C18orf54: variants seen among roughly 807,000 people sequenced by gnomAD.
C18orf54 encodes lung adenoma susceptibility protein 2.
A neutral mutation model predicts 49.3 loss-of-function variants in C18orf54; 49 were observed. The observed-to-expected ratio is 0.99, with a 90% CI of 0.79 to 1.26. The LOEUF is 1.26. Ranked by LOEUF, C18orf54 falls within the 50% of genes most tolerant of loss-of-function variation. The probability of loss-of-function intolerance (pLI) is 0.00; values close to 1 mark genes in which losing one functional copy is unlikely to be tolerated. For missense variants in C18orf54, 687 were observed against 620.6 expected (o/e 1.11, Z -1.14); for synonymous variants, 211 against 216.6 (o/e 0.97, Z 0.23).
chr18:54,371,620 C>T (rs1002805851), intron 6 of C18orf54, among the ~76,000 whole-genome samples: 4 of 152,100 alleles, frequency 2.6e-5, no homozygotes, highest in Admixed American at 2.6e-4. Flanking sequence ...TTTCTTATAT[C>T]CTGTTCTATA....
At chr18:54,361,502 A>T in intron 3 of C18orf54, 141 bp from the exon 4 acceptor site, 1 of 689,406 alleles carries the variant, frequency 1.5e-6, no homozygotes, top group Non-Finnish European at 2.3e-6. Flanking sequence ...ATCCACCTAC[A>T]CCTTTTTATG....
rs577158137 is a variant in C18orf54 at position 54,378,228 on chromosome 18, A to G, written c.1584A>G (p.Glu528=). 6.2e-7 allele frequency: 1 copy of G among 1,613,578 alleles called. No individual in the cohort carries two copies. Among genetic ancestry groups the G allele is most frequent in the African/African-American group, 1.3e-5 (1 of 75,042 alleles). ...ACCTGGTTGATGATACGAATGGAGA[A>G]CGGTCACCGAAAATGTGAAGAGGAA... ...LRDLVDDTNG[E]RSPKM Residue 528 remains glutamate, a synonymous_variant, in exon 9 of 9, where the codon GAA becomes GAG. Transcript: ENST00000620105.
rs2089201089 is a variant in C18orf54, at chr18:54,358,810, G to A, written c.-107G>A. 3 of 152,214 alleles carry A rather than the reference G, an allele frequency of 2.0e-5. No individual in the cohort carries two copies. The highest frequency in any genetic ancestry group is 1.5e-5 in the Non-Finnish European group (1 of 68,044). 9.4% of individuals were successfully genotyped at this position (152,214 alleles called of 1,614,324 possible). A position where few individuals can be genotyped will look rare whatever the true frequency, so the allele number is the denominator to read the frequency against. On this transcript the variant is annotated 5_prime_UTR_variant, in exon 2 of 9. Coordinates refer to ENST00000620105, the MANE Select transcript of C18orf54 (RefSeq NM_001288980.2). ...TTGTTGTCAATAAGTTTAACATTCT[G>A]TTCTTCCGCGTGATGGATTTTCTTT...
chr18:54,362,427 C>T lies in C18orf54; in HGVS notation c.1068C>T (p.Phe356=). Residue 356 remains phenylalanine (F), a synonymous_variant, in exon 4 of 9, where the codon TTC becomes TTT. Coordinates refer to ENST00000620105, the MANE Select transcript of C18orf54 (RefSeq NM_001288980.2). ...PLLPGQSTKP[F]SGDKIELLIL... ...TCCCAGGACAATCCACAAAGCCATT[C>T]AGTGGTAATACTTTGTTTATTGCTT... The T allele has an allele frequency of 2.0e-6, 3 of 1,505,374 alleles. No homozygotes were observed. The highest frequency in any genetic ancestry group is 2.6e-6 in the Non-Finnish European group (3 of 1,132,856). The allele number at this position is 1,505,374 out of a possible 1,614,324, so 93.3% of individuals were successfully genotyped here.
intron 8 of C18orf54, 27 bp downstream of exon 8, chr18:54,374,311 C>G (rs1568190989): frequency 6.5e-6 from 10 of 1,537,014 alleles, no homozygotes; most frequent in Non-Finnish European, 8.7e-6. Context: ...AATATGGATA[C>G]AAATCCATCT....
rs980941591 is a variant in C18orf54 at position 54,379,978 on chromosome 18, A to G, written c.*1732A>G. 6.6e-6 allele frequency: 1 copy of G among 152,136 alleles called. No individual in the cohort carries two copies. Among genetic ancestry groups the G allele is most frequent in the African/African-American group, 2.4e-5 (1 of 41,458 alleles). The allele number at this position is 152,136 out of a possible 1,614,324, so 9.4% of individuals were successfully genotyped here. A position where few individuals can be genotyped will look rare whatever the true frequency, so the allele number is the denominator to read the frequency against. ...AAGCCTGTTCTAAAATCTTATAGCC[A>G]GTATTTTAAGAAACTTGATTATACT... On this transcript the variant is annotated 3_prime_UTR_variant, in exon 9 of 9. Transcript: ENST00000620105.
chr18:54,370,502 T>G (rs2089467205), intron 6 of C18orf54, among the ~76,000 whole-genome samples: 1 of 152,196 alleles, frequency 6.6e-6, no homozygotes, highest in Admixed American at 6.5e-5. Context: ...CAGCGATGAC[T>G]ATATATTGGG....
chr18:54,379,579 T>C lies in C18orf54; in HGVS notation c.*1333T>C, dbSNP rs2089632772. The C allele has an allele frequency of 6.6e-6, 1 of 151,506 alleles. No individual in the cohort carries two copies. The highest frequency in any genetic ancestry group is 1.5e-5 in the Non-Finnish European group (1 of 67,800). 9.4% of individuals were successfully genotyped at this position (151,506 alleles called of 1,614,324 possible). A position where few individuals can be genotyped will look rare whatever the true frequency, so the allele number is the denominator to read the frequency against. ...TGAGTGGCAATTACCAATAGATTTG[T>C]TTTCTTTATTCTATGGAGATGTTTT... On this transcript the variant is annotated 3_prime_UTR_variant, in exon 9 of 9. Transcript: ENST00000620105.
chr18:54,360,932 T>C, intron 3 of C18orf54, 77 bp downstream of exon 3: 1 of 1,367,250 alleles, frequency 7.3e-7, no homozygotes, highest in Non-Finnish European at 9.9e-7. Context: ...TATTGTAAAG[T>C]TTGACATTAT....
At position 54,360,846 on chromosome 18, in the gene C18orf54, CCAAA is replaced by C. The variant is rs763695938; in HGVS notation, c.278_281del (p.Asn93MetfsTer25). 1 of 1,610,416 alleles carries C rather than the reference CCAAA, an allele frequency of 6.2e-7. No individual in the cohort carries two copies. Among genetic ancestry groups the C allele is most frequent in the Non-Finnish European group, 8.5e-7 (1 of 1,178,016 alleles). ...ACAGTTCTGCAACTATATTTACAAACCAAACAATGGTATGCTTTTATTCTTTGTT... is the reference window on the plus strand; with the variant it reads ...ACAGTTCTGCAACTATATTTACAAACCAATGGTATGCTTTTATTCTTTGTT... On this transcript the variant is annotated frameshift_variant, in exon 3 of 9. Coordinates refer to ENST00000620105, the MANE Select transcript of C18orf54 (RefSeq NM_001288980.2). LOFTEE classifies it high-confidence loss of function.
Position 54,381,049 on chromosome 18 carries a change from A to G in C18orf54, c.*2803A>G, listed in dbSNP as rs2089661614. 6.6e-6 allele frequency: 1 copy of G among 152,156 alleles called. No homozygotes were observed. The highest frequency in any genetic ancestry group is 6.5e-5 in the Admixed American group (1 of 15,274). The allele number at this position is 152,156 out of a possible 1,614,324, so 9.4% of individuals were successfully genotyped here. On this transcript the variant is annotated 3_prime_UTR_variant, in exon 9 of 9. Transcript: ENST00000620105. Reference sequence around the variant, plus strand: ...TCTTCCTATTAGATGTATAAATTGGATATTTCATGCCTAATTAAATGTTGC... The same window carrying G: ...TCTTCCTATTAGATGTATAAATTGGGTATTTCATGCCTAATTAAATGTTGC...
chr18:54,378,050 A>G (rs767889586), intron 8 of C18orf54, 124 bp from the exon 9 acceptor site: 3 of 522,174 alleles, frequency 5.7e-6, no homozygotes, highest in Non-Finnish European at 9.5e-6. Flanking sequence ...CAAAGTTTAT[A>G]TAAATTTACT....
chr18:54,360,772 G>A lies in C18orf54; in HGVS notation c.200G>A (p.Gly67Asp), dbSNP rs765840709. The change falls in exon 3 of 9, where the codon GGT becomes GAT. Residue 67 changes from glycine (G) to aspartate (D), a missense_variant. Physicochemically the swap from Gly to Asp is moderately conservative, Grantham distance 94. Coordinates refer to ENST00000620105, the MANE Select transcript of C18orf54 (RefSeq NM_001288980.2). ...DDFDLGQIYPGASTGKINIDE... is the reference protein window; with the variant it reads ...DDFDLGQIYPDASTGKINIDE... ...TTTGATCTAGGCCAAATATATCCTG[G>A]TGCAAGCACTGGAAAAATTAACATT... 6.2e-7 allele frequency: 1 copy of A among 1,613,646 alleles called. No homozygotes were observed. Among genetic ancestry groups the A allele is most frequent in the South Asian group, 1.1e-5 (1 of 91,074 alleles).
rs572746340 is a variant in C18orf54 at position 54,379,846 on chromosome 18, A to T, written c.*1600A>T. On this transcript the variant is annotated 3_prime_UTR_variant, in exon 9 of 9. Coordinates refer to ENST00000620105, the MANE Select transcript of C18orf54 (RefSeq NM_001288980.2). Reference sequence around the variant, plus strand: ...GTGGTAACTTCTAATTGAATATTATATGTTGATCATACATAATATATACTA... The same window carrying T: ...GTGGTAACTTCTAATTGAATATTATTTGTTGATCATACATAATATATACTA... 12 of 152,134 alleles carry T rather than the reference A, an allele frequency of 7.9e-5. No individual in the cohort carries two copies. Among genetic ancestry groups the T allele is most frequent in the Admixed American group, 6.5e-4 (10 of 15,286 alleles). 9.4% of individuals were successfully genotyped at this position (152,134 alleles called of 1,614,324 possible). A position where few individuals can be genotyped will look rare whatever the true frequency, so the allele number is the denominator to read the frequency against.
intron 8 of C18orf54, among the ~76,000 whole-genome samples, chr18:54,375,509 A>G (rs942346229): frequency 1.3e-5 from 2 of 150,054 alleles, no homozygotes; most frequent in African/African-American, 2.5e-5. Flanking sequence ...GTGAATGACC[A>G]TAAGTTTTCC....
In C18orf54 at chr18:54,381,786, T is replaced by G. The variant is rs547901358; in HGVS notation, c.*3540T>G. The G allele has an allele frequency of 2.4e-4, 37 of 152,350 alleles. No individual in the cohort carries two copies. The highest frequency in any genetic ancestry group is 8.4e-4 in the African/African-American group (35 of 41,584). 9.4% of individuals were successfully genotyped at this position (152,350 alleles called of 1,614,324 possible). A position where few individuals can be genotyped will look rare whatever the true frequency, so the allele number is the denominator to read the frequency against. On this transcript the variant is annotated 3_prime_UTR_variant, in exon 9 of 9. Coordinates refer to ENST00000620105, the MANE Select transcript of C18orf54 (RefSeq NM_001288980.2). ...CATTCATTTAGCTGTTATATTTCATTTTAATGTTTTGGGTGGTGCCTCTTA... is the reference window on the plus strand; with the variant it reads ...CATTCATTTAGCTGTTATATTTCATGTTAATGTTTTGGGTGGTGCCTCTTA...
At chr18:54,370,505 A>G (rs1257707194) in intron 6 of C18orf54, among the ~76,000 whole-genome samples, 1 of 152,188 alleles carries the variant, frequency 6.6e-6, no homozygotes, top group African/African-American at 2.4e-5. Context: ...CGATGACTAT[A>G]TATTGGGTTG....
intron 6 of C18orf54, among the ~76,000 whole-genome samples, chr18:54,366,731 A>G (rs2089393326): frequency 6.6e-6 from 1 of 151,762 alleles, no homozygotes; most frequent in South Asian, 2.1e-4. Context: ...ATACTGTTTT[A>G]CTGTGTCTGG....
chr18:54,363,168 T>C (rs1216397413), intron 5 of C18orf54, among the ~76,000 whole-genome samples: 3 of 152,200 alleles, frequency 2.0e-5, no homozygotes, highest in Non-Finnish European at 4.4e-5. Context: ...TATAAAATAT[T>C]GATAAGCATC....
Sources: gnomAD v4.1 joint callset for allele counts (sites outside exome capture counted in the v4.1 genomes callset) on GRCh38, gnomAD v4.1.1 for gene constraint, MANE v1.5 for transcripts, NCBI Gene and HGNC (gene_info 2026-07-23, HGNC 2026-07-21) for gene names.